UBAP2L: variants seen among roughly 807,000 people sequenced by gnomAD.
UBAP2L encodes the protein ubiquitin-associated protein 2-like.
A neutral mutation model predicts 130.6 loss-of-function variants in UBAP2L; 12 were observed. That is an observed-to-expected ratio of 0.09 (90% confidence interval 0.06 to 0.15). UBAP2L has a LOEUF of 0.15. UBAP2L is among the 10% of genes least tolerant of loss of function. The pLI is 1.00. For synonymous variants in UBAP2L, 503 were observed against 524.7 expected, an observed-to-expected ratio of 0.96 and a Z score of 0.57; for missense variants, 965 against 1,332.5, an observed-to-expected ratio of 0.72 and a Z score of 4.29.
At position 154,225,258 on chromosome 1, in the gene UBAP2L, T is replaced by C. The variant is rs770191138; in HGVS notation, c.90+45T>C. The C allele has an allele frequency of 2.5e-6, 4 of 1,592,936 alleles. No individual in the cohort carries two copies. The African/African-American group carries it at 4.0e-5, about 16-fold the overall frequency. ...CGGATTCATGGATAGCGTTGCCTGC[T>C]GATACTGGTTTCCATGCAGTACAGC... is the stretch of plus-strand genomic sequence containing the variant. On this transcript the variant is annotated intron_variant, in intron 2 of 26. Transcript: ENST00000428931.
chr1:154,259,859 ATTC>A (rs1680967589), intron 21 of UBAP2L, 86 bp from the exon 22 acceptor site: 1 of 1,365,942 alleles, frequency 7.3e-7, no homozygotes, highest in Non-Finnish European at 1.0e-6. Context: ...CAACTCTCAC[ATTC>A]TTCTGTTTTT....
At chr1:154,239,101 T>C (rs1298841620) in intron 8 of UBAP2L, among the ~76,000 whole-genome samples, 1 of 152,122 alleles carries the variant, frequency 6.6e-6, no homozygotes, top group African/African-American at 2.4e-5. Context: ...GTTTTCCTGA[T>C]AGCAAACTTG....
At chr1:154,260,085 G>A (rs1681030776) in intron 22 of UBAP2L, 56 bp downstream of exon 22, 2 of 1,541,610 alleles carry the variant, frequency 1.3e-6, no homozygotes, top group Non-Finnish European at 1.8e-6. Context: ...GGGATTGATG[G>A]CAGACACCTG....
chr1:154,254,680 G>C, intron 15 of UBAP2L, 156 bp from the exon 16 acceptor site: 1 of 805,094 alleles, frequency 1.2e-6, no homozygotes, highest in Non-Finnish European at 1.9e-6. Context: ...TGGTTTTTTG[G>C]ATAGTCTACA....
At chr1:154,249,519 A>G in intron 12 of UBAP2L, 82 bp downstream of exon 12, 1 of 1,566,794 alleles carries the variant, frequency 6.4e-7, no homozygotes, top group Non-Finnish European at 8.7e-7. Flanking sequence ...GGGGTGGAGA[A>G]TGTGTCCTGA....
Position 154,270,442 on chromosome 1 carries a change from T to G in UBAP2L, c.*147T>G. 1 of 1,523,056 alleles carries G rather than the reference T, an allele frequency of 6.6e-7. No homozygotes were observed. Among genetic ancestry groups the G allele is most frequent in the Non-Finnish European group, 8.8e-7 (1 of 1,139,916 alleles). The allele number at this position is 1,523,056 out of a possible 1,614,324, so 94.3% of individuals were successfully genotyped here. A position where few individuals can be genotyped will look rare whatever the true frequency, so the allele number is the denominator to read the frequency against. ...CCACCCCATGCCTCAGCTTCATGTC[T>G]GTCCCATTCCTATACCATCCCCACC... On this transcript the variant is annotated 3_prime_UTR_variant, in exon 27 of 27. Coordinates refer to ENST00000428931, the MANE Select transcript of UBAP2L (RefSeq NM_014847.4).
At chr1:154,252,349 C>T (rs557485537) in intron 14 of UBAP2L, among the ~76,000 whole-genome samples, 4 of 147,452 alleles carry the variant, frequency 2.7e-5, no homozygotes, top group South Asian at 2.2e-4. Flanking sequence ...GGTGTGATCT[C>T]GGCTCACTGT....
upstream of UBAP2L, chr1:154,220,312 A>C: frequency 6.2e-7 from 1 of 1,613,458 alleles, no homozygotes; most frequent in South Asian, 1.1e-5. Context: ...AAGATGCGAC[A>C]GCAGGAATGG....
intron 3 of UBAP2L, among the ~76,000 whole-genome samples, chr1:154,227,886 T>C (rs1668511633): frequency 1.3e-5 from 2 of 152,096 alleles, no homozygotes; most frequent in South Asian, 2.1e-4. Context: ...TTTGGAAATT[T>C]TATCTTAATT....
At position 154,269,752 on chromosome 1, in the gene UBAP2L, G is replaced by A. The variant is rs937025114; in HGVS notation, c.3169-448G>A. The A allele has an allele frequency of 1.2e-5, 3 of 249,420 alleles. No homozygotes were observed. The South Asian group carries it at 1.3e-4, about 11-fold the overall frequency. 15.5% of individuals were successfully genotyped at this position (249,420 alleles called of 1,614,324 possible). On this transcript the variant is annotated intron_variant, in intron 26 of 26. Coordinates refer to ENST00000428931, the MANE Select transcript of UBAP2L (RefSeq NM_014847.4). ...GTGTGGTAGGGGTGGGGATCTGTGG[G>A]GCGATGCAAGTGGCCTCTTGAGAGC...
rs552038848 is a variant in UBAP2L at position 154,247,424 on chromosome 1, GAAGGTGT to G, written c.1014+1052_1014+1058del. ...AAAGAAAATAGGACAAAGGTTGTAA[GAAGGTGT>G]AATGAAGATCAAGAAGTAACTACCA... On this transcript the variant is annotated intron_variant, in intron 11 of 26. Transcript: ENST00000428931. 2.2e-3 allele frequency among the ~76,000 whole-genome samples: 332 copies of G among 152,296 alleles called. 5 individuals carry two copies. The highest frequency in any genetic ancestry group is 0.02 in the Admixed American group (303 of 15,296).
intron 4 of UBAP2L, among the ~76,000 whole-genome samples, chr1:154,230,355 A>G (rs1669430291): frequency 6.6e-6 from 1 of 152,252 alleles, no homozygotes; most frequent in Non-Finnish European, 1.5e-5. Flanking sequence ...AGCTAAATGC[A>G]GGAGGTTTGT....
At position 154,266,546 on chromosome 1, in the gene UBAP2L, G is replaced by A; in HGVS notation, c.2948G>A (p.Gly983Asp). ...SSNTGVPDIS[G>D]SVYSKTQQSF... ...AACACGGGCGTGCCAGATATCTCGGGTTCTGTGTACTCCAAAACCCAGGTA... is the reference window on the plus strand; with the variant it reads ...AACACGGGCGTGCCAGATATCTCGGATTCTGTGTACTCCAAAACCCAGGTA... The change falls in exon 25 of 27, where the codon GGT becomes GAT. Residue 983 changes from glycine to aspartate, a missense_variant. By Grantham distance (94) the Gly-to-Asp change is moderately conservative (BLOSUM62 -1). Transcript: ENST00000428931. The A allele has an allele frequency of 1.2e-6, 2 of 1,614,132 alleles. No individual in the cohort carries two copies. The highest frequency in any genetic ancestry group is 1.7e-6 in the Non-Finnish European group (2 of 1,180,024).
rs1174232759 is a variant in UBAP2L at position 154,257,238 on chromosome 1, G to A, written c.2333G>A (p.Ser778Asn). Reference protein sequence around the residue: ...SNSTVTASTRSSVATTSGKAP... With the variant: ...SNSTVTASTRNSVATTSGKAP... Reference sequence around the variant, plus strand: ...TCCACTGTCACAGCCTCGACTCGAAGCTCAGTTGCTACGACTTCAGGTAGC... The same window carrying A: ...TCCACTGTCACAGCCTCGACTCGAAACTCAGTTGCTACGACTTCAGGTAGC... Residue 778 changes from serine to asparagine, a missense_variant, in exon 19 of 27, where the codon AGC (serine) becomes AAC (asparagine). Transcript: ENST00000428931. 2 of 1,614,118 alleles carry A rather than the reference G, an allele frequency of 1.2e-6. No homozygotes were observed. The highest frequency in any genetic ancestry group is 1.7e-6 in the Non-Finnish European group (2 of 1,180,040).
intron 14 of UBAP2L, among the ~76,000 whole-genome samples, chr1:154,252,076 C>T (rs888477010): frequency 1.3e-5 from 2 of 151,902 alleles, no homozygotes; most frequent in African/African-American, 2.4e-5. Context: ...CGGGTTCAAG[C>T]GATTCTCCTG....
At chr1:154,258,148 T>A (rs902112768) in intron 20 of UBAP2L, among the ~76,000 whole-genome samples, 1 of 152,054 alleles carries the variant, frequency 6.6e-6, no homozygotes, top group Non-Finnish European at 1.5e-5. Flanking sequence ...TTTTAAAAAT[T>A]TTTTTAGAGA....
At chr1:154,247,967 TA>T (rs1425793420) in intron 11 of UBAP2L, among the ~76,000 whole-genome samples, 9 of 150,228 alleles carry the variant, frequency 6.0e-5, no homozygotes, top group East Asian at 2.0e-4. Flanking sequence ...ATTTTTTATT[TA>T]TTTTTTATTT....
chr1:154,236,020 C>T (rs1356743611), intron 6 of UBAP2L, among the ~76,000 whole-genome samples: 1 of 152,146 alleles, frequency 6.6e-6, no homozygotes, highest in Admixed American at 6.5e-5. Flanking sequence ...GATGTCATTT[C>T]CTCTAGTCTT....
In UBAP2L at chr1:154,241,179, C is replaced by T. The variant is rs979415082; in HGVS notation, c.704-334C>T. 2.6e-5 allele frequency among the ~76,000 whole-genome samples: 4 copies of T among 152,222 alleles called. No homozygotes were observed. In the South Asian group the frequency reaches 8.3e-4, roughly 32 times the overall value. On this transcript the variant is annotated intron_variant, in intron 8 of 26. Coordinates refer to ENST00000428931, the MANE Select transcript of UBAP2L (RefSeq NM_014847.4). The stretch of plus-strand genomic sequence containing the variant: ...TCTCAGCTCACTGCAACCTCCACCT[C>T]CCAGGTTCAAGCCATTCTTCTGCCT...
Sources: allele counts gnomAD v4.1 joint callset (sites outside exome capture counted in the v4.1 genomes callset), GRCh38; gene constraint gnomAD v4.1.1; transcripts MANE v1.5; gene names NCBI Gene and HGNC (gene_info 2026-07-23, HGNC 2026-07-21).